The following SCAND1 variants were observed in gnomAD, a reference collection of about 807,000 sequenced individuals.
The protein encoded by SCAND1 is SCAN domain-containing protein 1.
SCAND1 carries 3 observed loss-of-function variants against 3.4 expected under a neutral mutation model. The observed-to-expected ratio is 0.87, with a 90% CI of 0.40 to 2.25. The LOEUF (loss-of-function observed/expected upper bound fraction) is 2.25, where lower values mean the gene tolerates loss of function less well. SCAND1 is among the 30% of genes most tolerant of loss of function. SCAND1 has a pLI of 0.05. For synonymous variants in SCAND1, 152 were observed against 120.5 expected, an observed-to-expected ratio of 1.26 and a Z score of -1.72; for missense variants, 303 against 258.8, an observed-to-expected ratio of 1.17 and a Z score of -1.17.
upstream of SCAND1, chr20:35,954,609 G>T (rs551273283): frequency 1.5e-6 from 2 of 1,371,820 alleles, no homozygotes; most frequent in Non-Finnish European, 1.9e-6. Context: ...CGCGGTGCGG[G>T]AGGGCGAGCT....
chr20:35,956,434 C>T (rs1005432212), upstream of SCAND1, among the ~76,000 whole-genome samples: 1 of 152,196 alleles, frequency 6.6e-6, no homozygotes, highest in Non-Finnish European at 1.5e-5. Context: ...TGAGTAGAGA[C>T]GACTTCCTTT....
chr20:35,955,686 G>A (rs937386765), upstream of SCAND1, among the ~76,000 whole-genome samples: 12 of 152,312 alleles, frequency 7.9e-5, no homozygotes, highest in South Asian at 2.3e-3. Flanking sequence ...AATTCAGTGA[G>A]ATGATGTAGG....
Position 35,953,992 on chromosome 20 carries a change from G to A in SCAND1, c.293C>T (p.Ala98Val), listed in dbSNP as rs1365924171. 1 of 1,551,064 alleles carries A rather than the reference G, an allele frequency of 6.4e-7. No individual in the cohort carries two copies. The highest frequency in any genetic ancestry group is 1.9e-5 in the Admixed American group (1 of 51,444). Reference sequence around the variant, plus strand: ...CGTCTCGGGACCGAGTCTAGAGCCGGCGGGGCCTGGTGTGGAGCGCGCTTC... The same window carrying A: ...CGTCTCGGGACCGAGTCTAGAGCCGACGGGGCCTGGTGTGGAGCGCGCTTC... ...EAEARSTPGP[A>V]GSRLGPETFR... Residue 98 changes from alanine to valine, a missense_variant, in exon 2 of 2, where the codon GCC becomes GTC. Physicochemically the swap from Ala to Val is moderately conservative, Grantham distance 64. Transcript: ENST00000305978.
chr20:35,959,403 A>G (rs1043212940), upstream of SCAND1: 1 of 152,356 alleles, frequency 6.6e-6, no homozygotes, highest in Non-Finnish European at 1.5e-5. Flanking sequence ...AAGACGTTTA[A>G]TGAACTCACA....
rs1183840942 is a variant in SCAND1 at position 35,953,888 on chromosome 20, ACAGCTCCCG to A, written c.388_396del (p.Arg130_Leu132del). ...ATGTCAGGCCGCAGCCACTGGCGGG[ACAGCTCCCG>A]CAGCTGCCGGAAAGCCTCCCGGGGA... is the stretch of plus-strand genomic sequence containing the variant. On this transcript the variant is annotated inframe_deletion, in exon 2 of 2. Transcript: ENST00000305978. 6.4e-7 allele frequency: 1 copy of A among 1,564,560 alleles called. No homozygotes were observed. Among genetic ancestry groups the A allele is most frequent in the Non-Finnish European group, 8.6e-7 (1 of 1,157,590 alleles).
Position 35,953,928 on chromosome 20 carries a change from C to A in SCAND1, c.357G>T (p.Ala119=). Residue 119 remains alanine, a synonymous_variant, in exon 2 of 2, where the codon GCG becomes GCT. Coordinates refer to ENST00000305978, the MANE Select transcript of SCAND1 (RefSeq NM_033630.3). Reference sequence around the variant, plus strand: ...GCCGGAAAGCCTCCCGGGGACCCGCCGCATCCTGGTAGCGGAACTGCCGGA... The same window carrying A: ...GCCGGAAAGCCTCCCGGGGACCCGCAGCATCCTGGTAGCGGAACTGCCGGA... ...QRFRQFRYQD[A]AGPREAFRQL... is the part of the protein sequence containing the mutation. 1.3e-6 allele frequency: 2 copies of A among 1,578,456 alleles called. No homozygotes were observed. The highest frequency in any genetic ancestry group is 2.3e-5 in the East Asian group (1 of 42,822).
At chr20:35,957,138 G>A (rs2056264272), upstream of SCAND1, among the ~76,000 whole-genome samples, 1 of 152,108 alleles carries the variant, frequency 6.6e-6, no homozygotes, top group Non-Finnish European at 1.5e-5. Context: ...GATAGGAGGA[G>A]GGACCTGAGA....
chr20:35,954,084 C>G lies in SCAND1; in HGVS notation c.201G>C (p.Ala67=). The change falls in exon 2 of 2, where the codon GCG becomes GCC. Residue 67 remains alanine (A), a synonymous_variant. Coordinates refer to ENST00000305978, the MANE Select transcript of SCAND1 (RefSeq NM_033630.3). ...GAGGCAGCTCCAGGGCCGCGGAGGCCGCAGCTCGGGGCGTAGGGATGGCTT... is the reference window on the plus strand; with the variant it reads ...GAGGCAGCTCCAGGGCCGCGGAGGCGGCAGCTCGGGGCGTAGGGATGGCTT... ...VPEAIPTPRA[A]ASAALELPLG... The G allele has an allele frequency of 6.5e-7, 1 of 1,536,544 alleles. No individual in the cohort carries two copies. The highest frequency in any genetic ancestry group is 8.8e-7 in the Non-Finnish European group (1 of 1,137,988).
At chr20:35,956,159 T>G (rs1178782230), upstream of SCAND1, among the ~76,000 whole-genome samples, 1 of 152,226 alleles carries the variant, frequency 6.6e-6, no homozygotes, top group African/African-American at 2.4e-5. Context: ...TTAACAACCA[T>G]TAACATGCCA....
chr20:35,954,305 C>G lies in SCAND1; in HGVS notation c.-21G>C, dbSNP rs1326449007. ...GCCATAACTCCAGCTCCGGGCGTCA[C>G]TCTTTGTCCGGTAGCTGTGTGCTCA... On this transcript the variant is annotated 5_prime_UTR_variant, in exon 2 of 2. Transcript: ENST00000305978. 1.9e-6 allele frequency: 3 copies of G among 1,613,456 alleles called. No homozygotes were observed. The highest frequency in any genetic ancestry group is 1.7e-5 in the Admixed American group (1 of 60,010).
chr20:35,956,856 C>T (rs941005725), upstream of SCAND1, among the ~76,000 whole-genome samples: 5 of 152,178 alleles, frequency 3.3e-5, no homozygotes, highest in Admixed American at 2.6e-4. Context: ...GTAGAAGGTA[C>T]TGCCTGTACA....
chr20:35,953,684 G>T lies in SCAND1; in HGVS notation c.*61C>A. On this transcript the variant is annotated 3_prime_UTR_variant, in exon 2 of 2. Coordinates refer to ENST00000305978, the MANE Select transcript of SCAND1 (RefSeq NM_033630.3). ...TGGGGTCCCAGGCTCAGGCCCCCGG[G>T]CCCGATCATGGCCCCAGTCCGCACA... 8.6e-7 allele frequency: 1 copy of T among 1,159,324 alleles called. No homozygotes were observed. The highest frequency in any genetic ancestry group is 1.1e-6 in the Non-Finnish European group (1 of 878,090). 71.8% of individuals were successfully genotyped at this position (1,159,324 alleles called of 1,614,324 possible).
chr20:35,954,449 T>C lies in SCAND1; in HGVS notation c.-57A>G. The C allele has an allele frequency of 6.5e-7, 1 of 1,549,048 alleles. No homozygotes were observed. Among genetic ancestry groups the C allele is most frequent in the Non-Finnish European group, 8.7e-7 (1 of 1,146,640 alleles). ...CGGCCGAGAGTGTGCGGAGCTTACC[T>C]GCACCAGCGAAGCGCCTGCGGCAGC... On this transcript the variant is annotated splice_region_variant and 5_prime_UTR_variant, in exon 1 of 2. Transcript: ENST00000305978.
chr20:35,958,604 CTT>C (rs1368098908), upstream of SCAND1, among the ~76,000 whole-genome samples: 1 of 152,144 alleles, frequency 6.6e-6, no homozygotes, highest in Non-Finnish European at 1.5e-5. Context: ...AATCCACAGA[CTT>C]TATTCACATT....
At chr20:35,954,834 G>T, upstream of SCAND1, 1 of 322,546 alleles carries the variant, frequency 3.1e-6, no homozygotes, top group Non-Finnish European at 6.3e-6. Context: ...GGAATGATTA[G>T]GGTGACGGCT....
chr20:35,954,604 T>A, upstream of SCAND1: 1 of 1,380,070 alleles, frequency 7.2e-7, no homozygotes, highest in Non-Finnish European at 9.6e-7. Context: ...GCCCTCGCGG[T>A]GCGGGAGGGC....
chr20:35,954,258 C>T lies in SCAND1; in HGVS notation c.27G>A (p.Ala9=), dbSNP rs1348285901. The T allele has an allele frequency of 3.1e-6, 5 of 1,612,962 alleles. No homozygotes were observed. The highest frequency in any genetic ancestry group is 4.2e-6 in the Non-Finnish European group (5 of 1,179,908). MAATEPIL[A]ATGSPAAVPP... ...GCACCGCCGCGGGACTCCCAGTGGCCGCCAAGATCGGCTCCGTAGCCGCCA... is the reference window on the plus strand; with the variant it reads ...GCACCGCCGCGGGACTCCCAGTGGCTGCCAAGATCGGCTCCGTAGCCGCCA... The change falls in exon 2 of 2, where the codon GCG becomes GCA. Residue 9 remains alanine, a synonymous_variant. Coordinates refer to ENST00000305978, the MANE Select transcript of SCAND1 (RefSeq NM_033630.3).
upstream of SCAND1, among the ~76,000 whole-genome samples, chr20:35,957,106 A>G (rs2056263881): frequency 6.6e-6 from 1 of 152,160 alleles, no homozygotes; most frequent in African/African-American, 2.4e-5. Context: ...TTCCATCCCT[A>G]TTGAAATCGT....
In SCAND1 at chr20:35,953,747, A is replaced by T. The variant is rs2056204245; in HGVS notation, c.538T>A (p.Ter180ArgextTer?). The change falls in exon 2 of 2, where the codon TGA (stop) becomes AGA (arginine). Residue 180 changes from the stop codon to arginine, a stop_lost. Transcript: ENST00000305978. Reference sequence around the variant, plus strand: ...CTGGCCGCCCGCAGCTCCACCGCTCAGCCAGTGATGCGCACATCCGTGCGG... The same window carrying T: ...CTGGCCGCCCGCAGCTCCACCGCTCTGCCAGTGATGCGCACATCCGTGCGG... ...RRRTDVRITG[*>R] The T allele has an allele frequency of 2.8e-6, 4 of 1,436,184 alleles. No individual in the cohort carries two copies. The highest frequency in any genetic ancestry group is 3.6e-6 in the Non-Finnish European group (4 of 1,099,282). 89.0% of individuals were successfully genotyped at this position (1,436,184 alleles called of 1,614,324 possible).
Sources: allele counts gnomAD v4.1 joint callset (sites outside exome capture counted in the v4.1 genomes callset), GRCh38; gene constraint gnomAD v4.1.1; transcripts MANE v1.5; gene names NCBI Gene and HGNC (gene_info 2026-07-23, HGNC 2026-07-21).